Variants in KIFAP3 observed in about 807,000 individuals in gnomAD.
KIFAP3 encodes kinesin-associated protein 3.
Under a neutral mutation model 106.5 loss-of-function variants are expected in KIFAP3, and 68 were observed. The ratio of observed to expected loss-of-function variants is 0.64; its 90% CI spans 0.53 to 0.78. The LOEUF (loss-of-function observed/expected upper bound fraction) is 0.78. KIFAP3 is among the 30% of genes least tolerant of loss of function. KIFAP3 has a pLI of 0.00. For missense variants in KIFAP3, 780 were observed against 941.8 expected, an observed-to-expected ratio of 0.83 and a Z score of 2.25; for synonymous variants, 320 against 311.5, an observed-to-expected ratio of 1.03 and a Z score of -0.29.
intron 19 of KIFAP3, 138 bp downstream of exon 19, chr1:169,953,873 A>T: frequency 1.5e-6 from 1 of 681,876 alleles, no homozygotes; most frequent in African/African-American, 1.8e-5. Flanking sequence ...TTAAAATCAA[A>T]CAAACATGCC....
At chr1:169,976,328 C>T (rs1404287351) in intron 16 of KIFAP3, among the ~76,000 whole-genome samples, 1 of 152,078 alleles carries the variant, frequency 6.6e-6, no homozygotes, top group African/African-American at 2.4e-5. Flanking sequence ...CAGAGACTCT[C>T]AACCCAAAAA....
intron 10 of KIFAP3, among the ~76,000 whole-genome samples, chr1:170,005,795 C>T (rs1245449989): frequency 6.6e-6 from 1 of 150,666 alleles, no homozygotes; most frequent in Non-Finnish European, 1.5e-5. Flanking sequence ...CAACATGGCA[C>T]ATGTATACAT....
intron 10 of KIFAP3, among the ~76,000 whole-genome samples, chr1:169,993,663 G>GATCGCT (rs1230943851): frequency 4.1e-5 from 5 of 123,370 alleles, no homozygotes; most frequent in East Asian, 2.4e-4. Flanking sequence ...GAGGCTTGCA[G>GATCGCT]TGAGCCCAGA....
At position 169,932,756 on chromosome 1, in the gene KIFAP3, A is replaced by T. The variant is rs1366707925; in HGVS notation, c.2274-10975T>A. Reference sequence around the variant, plus strand: ...TAAAACTCATGTCTCCAAAGTCCTTAAACAAATCATTCAGTTTGGGAACAT... The same window carrying T: ...TAAAACTCATGTCTCCAAAGTCCTTTAACAAATCATTCAGTTTGGGAACAT... On this transcript the variant is annotated intron_variant, in intron 19 of 19. Coordinates refer to ENST00000361580, the MANE Select transcript of KIFAP3 (RefSeq NM_014970.4). Among the ~76,000 whole-genome samples the T allele has an allele frequency of 4.0e-5, 6 of 151,450 alleles. No homozygotes were observed. The South Asian group carries it at 1.0e-3, about 26-fold the overall frequency.
At chr1:169,943,054 T>G (rs1225139341) in intron 19 of KIFAP3, among the ~76,000 whole-genome samples, 2 of 152,142 alleles carry the variant, frequency 1.3e-5, no homozygotes, top group Admixed American at 1.3e-4. Context: ...TAATATTTTA[T>G]TCTTAGATTT....
intron 19 of KIFAP3, among the ~76,000 whole-genome samples, chr1:169,941,775 TAA>T (rs1257865710): frequency 1.3e-5 from 2 of 152,110 alleles, no homozygotes; most frequent in South Asian, 2.1e-4. Flanking sequence ...GTAGAAAAGA[TAA>T]GAGGTGTAAG....
At position 169,960,741 on chromosome 1, in the gene KIFAP3, C is replaced by T. The variant is rs187307233; in HGVS notation, c.2173+305G>A. Among the ~76,000 whole-genome samples, 409 of 151,952 alleles carry T rather than the reference C, an allele frequency of 2.7e-3. 1 individual carries two copies. Among genetic ancestry groups the T allele is most frequent in the African/African-American group, 9.5e-3 (393 of 41,454 alleles). On this transcript the variant is annotated intron_variant, in intron 18 of 19. Transcript: ENST00000361580. ...GAAAAATGAATATTACATTTTTGAA[C>T]GGAAGTCAGAAATCTTGAAGTTGTC...
At chr1:169,955,633 ACT>A (rs1664973535) in intron 18 of KIFAP3, among the ~76,000 whole-genome samples, 2 of 152,128 alleles carry the variant, frequency 1.3e-5, no homozygotes, top group South Asian at 4.1e-4. Flanking sequence ...TTTCCATAAG[ACT>A]CTCATACTAC....
At chr1:169,967,236 G>C (rs563994399) in intron 17 of KIFAP3, among the ~76,000 whole-genome samples, 1 of 151,802 alleles carries the variant, frequency 6.6e-6, no homozygotes, top group Non-Finnish European at 1.5e-5. Flanking sequence ...GAATCTCAAA[G>C]TAAAGATACA....
At chr1:169,923,078 T>A in intron 19 of KIFAP3, 1 of 985,150 alleles carries the variant, frequency 1.0e-6, no homozygotes, top group Non-Finnish European at 1.2e-6. Flanking sequence ...GTCCAGTGAC[T>A]CTGCCCTTTA....
At chr1:170,071,836 A>G (rs1043234889) in intron 1 of KIFAP3, among the ~76,000 whole-genome samples, 2 of 152,218 alleles carry the variant, frequency 1.3e-5, no homozygotes, top group African/African-American at 2.4e-5. Flanking sequence ...ACCACAGCAA[A>G]TATTATGCAG....
intron 17 of KIFAP3, among the ~76,000 whole-genome samples, chr1:169,962,750 TTTC>T (rs1173087094): frequency 2.6e-5 from 4 of 152,178 alleles, no homozygotes; most frequent in African/African-American, 9.7e-5. Flanking sequence ...TTATTGTAAT[TTTC>T]TTGTTAAAAT....
intron 1 of KIFAP3, among the ~76,000 whole-genome samples, chr1:170,082,308 TTATGACGAAAGAACCA>T (rs1436711922): frequency 6.6e-6 from 1 of 152,156 alleles, no homozygotes; most frequent in Admixed American, 6.5e-5. Flanking sequence ...AAAAACCTCA[TTATGACGAAAGAACCA>T]TATGGTTTGA....
intron 11 of KIFAP3, chr1:169,989,964 A>T: frequency 8.0e-7 from 1 of 1,251,778 alleles, no homozygotes; most frequent in Non-Finnish European, 1.1e-6. Flanking sequence ...GGAATTATGT[A>T]GTAGGAGTCA....
In KIFAP3 at chr1:170,032,277, A is replaced by G. The variant is rs1269785109; in HGVS notation, c.743-293T>C. 1.4e-5 allele frequency: 3 copies of G among 217,422 alleles called. No individual in the cohort carries two copies. The East Asian group carries it at 2.9e-4, about 21-fold the overall frequency. 13.5% of individuals were successfully genotyped at this position (217,422 alleles called of 1,614,324 possible). ...CCAAATACTTGAATTCCCAGAAACT[A>G]TATGTGAATATTTTATATAGGTGCA... On this transcript the variant is annotated intron_variant, in intron 7 of 19. Transcript: ENST00000361580.
At chr1:170,019,676 G>A (rs1282717819) in intron 9 of KIFAP3, among the ~76,000 whole-genome samples, 1 of 152,084 alleles carries the variant, frequency 6.6e-6, no homozygotes, top group Non-Finnish European at 1.5e-5. Flanking sequence ...GCAAGAAATA[G>A]AAGAACTTCC....
chr1:170,021,000 T>C (rs1668788098), intron 9 of KIFAP3, among the ~76,000 whole-genome samples: 1 of 152,070 alleles, frequency 6.6e-6, no homozygotes, highest in Admixed American at 6.6e-5. Context: ...GCTGACTTCA[T>C]GAAAATTAAA....
intron 17 of KIFAP3, among the ~76,000 whole-genome samples, chr1:169,962,786 T>G (rs1158188829): frequency 6.6e-6 from 1 of 152,188 alleles, no homozygotes; most frequent in African/African-American, 2.4e-5. Flanking sequence ...AAGTTTCACA[T>G]TATCAGCAAA....
intron 10 of KIFAP3, among the ~76,000 whole-genome samples, chr1:170,010,523 G>T (rs2101986269): frequency 6.6e-6 from 1 of 151,890 alleles, no homozygotes. Flanking sequence ...TTTCTCCTTT[G>T]CCTTTAATTA....
Sources: allele counts gnomAD v4.1 joint callset (sites outside exome capture counted in the v4.1 genomes callset), GRCh38; gene constraint gnomAD v4.1.1; transcripts MANE v1.5; gene names NCBI Gene and HGNC (gene_info 2026-07-23, HGNC 2026-07-21).